UQCC2: variants seen among roughly 807,000 people sequenced by gnomAD.
The protein encoded by UQCC2 is ubiquinol-cytochrome c reductase complex assembly factor 2.
Under a neutral mutation model 19.9 loss-of-function variants are expected in UQCC2, and 21 were observed. That is an observed-to-expected ratio of 1.05 (90% CI 0.75 to 1.52). UQCC2 has a LOEUF of 1.52. Ranked by LOEUF, UQCC2 falls within the 40% of genes most tolerant of loss-of-function variation. UQCC2 has a pLI of 0.00. For missense variants in UQCC2, 135 were observed against 157.5 expected (o/e 0.86, Z 0.76); for synonymous variants, 57 against 60.9 (o/e 0.94, Z 0.30).
chr6:33,698,613 G>A (rs950347764), intron 3 of UQCC2: 2 of 152,180 alleles, frequency 1.3e-5, no homozygotes, highest in Non-Finnish European at 2.9e-5. Context: ...ACCAAAGCAG[G>A]GTTTCTTGGC....
intron 1 of UQCC2, among the ~76,000 whole-genome samples, chr6:33,710,935 G>A (rs1365849886): frequency 3.9e-5 from 6 of 152,186 alleles, no homozygotes; most frequent in African/African-American, 1.4e-4. Flanking sequence ...AGGCTTACAG[G>A]GGCTCAGGAA....
chr6:33,707,475 A>G (rs1027463122), intron 1 of UQCC2, among the ~76,000 whole-genome samples: 1 of 152,246 alleles, frequency 6.6e-6, no homozygotes, highest in Non-Finnish European at 1.5e-5. Context: ...AAACCTTTGA[A>G]TTCTCCTCTG....
intron 2 of UQCC2, among the ~76,000 whole-genome samples, chr6:33,701,095 C>T (rs1419108414): frequency 6.6e-6 from 1 of 152,176 alleles, no homozygotes; most frequent in Non-Finnish European, 1.5e-5. Flanking sequence ...CACACACTGG[C>T]ATATCAAATA....
Position 33,697,720 on chromosome 6 carries a change from TTATC to T in UQCC2, c.310_313del (p.Asp104LysfsTer51), listed in dbSNP as rs765772377. On this transcript the variant is annotated frameshift_variant, in exon 4 of 4. Coordinates refer to ENST00000607484, the MANE Select transcript of UQCC2 (RefSeq NM_032340.4). LOFTEE classifies it high-confidence loss of function. ...CTCCTGCAGTTTCTTCCACATGCCT[TTATC>T]TATTTCCTTAAGCTCTTCCAAGGTG... is the stretch of plus-strand genomic sequence containing the variant. 1.9e-6 allele frequency: 3 copies of T among 1,614,136 alleles called. No individual in the cohort carries two copies. The highest frequency in any genetic ancestry group is 2.2e-5 in the South Asian group (2 of 91,078).
At position 33,711,609 on chromosome 6, in the gene UQCC2, G is replaced by C; in HGVS notation, c.78C>G (p.Asp26Glu). 6.2e-7 allele frequency: 1 copy of C among 1,613,998 alleles called. No homozygotes were observed. The highest frequency in any genetic ancestry group is 8.5e-7 in the Non-Finnish European group (1 of 1,179,920). ...WPVDETKRGRDLGAYLRQRVA... is the reference protein window; with the variant it reads ...WPVDETKRGRELGAYLRQRVA... Reference sequence around the variant, plus strand: ...CCCGCTGTCGCAGGTAAGCGCCCAAGTCCCGGCCCCGTTTGGTCTCGTCCA... The same window carrying C: ...CCCGCTGTCGCAGGTAAGCGCCCAACTCCCGGCCCCGTTTGGTCTCGTCCA... The change falls in exon 1 of 4, where the codon GAC becomes GAG. Residue 26 changes from aspartate (D) to glutamate (E), a missense_variant. By Grantham distance (45) the Asp-to-Glu change is conservative. Coordinates refer to ENST00000607484, the MANE Select transcript of UQCC2 (RefSeq NM_032340.4).
chr6:33,703,776 TCTTA>T (rs1765667012), intron 1 of UQCC2, among the ~76,000 whole-genome samples: 1 of 152,184 alleles, frequency 6.6e-6, no homozygotes, highest in African/African-American at 2.4e-5. Flanking sequence ...AAGAACATTC[TCTTA>T]TATAACCACA....
chr6:33,711,597 G>A lies in UQCC2; in HGVS notation c.90C>T (p.Tyr30=), dbSNP rs769806237. ...ETKRGRDLGA[Y]LRQRVAQAFR... is the part of the protein sequence containing the mutation. ...AGGCCTGTGCTACCCGCTGTCGCAG[G>A]TAAGCGCCCAAGTCCCGGCCCCGTT... The change falls in exon 1 of 4, where the codon TAC becomes TAT. Residue 30 remains tyrosine (Y), a synonymous_variant. Coordinates refer to ENST00000607484, the MANE Select transcript of UQCC2 (RefSeq NM_032340.4). 7.4e-6 allele frequency: 12 copies of A among 1,613,884 alleles called. No individual in the cohort carries two copies. The highest frequency in any genetic ancestry group is 1.3e-5 in the African/African-American group (1 of 75,060).
intron 1 of UQCC2, among the ~76,000 whole-genome samples, chr6:33,706,142 CT>C (rs1393636990): frequency 6.6e-6 from 1 of 152,174 alleles, no homozygotes; most frequent in East Asian, 1.9e-4. Context: ...ACAGCGGCCC[CT>C]ATTCTAGTCA....
In UQCC2 at chr6:33,697,511, T is replaced by C. The variant is rs186025450; in HGVS notation, c.*142A>G. ...TCCCTTCTCAGGCTGAAACTTTCTT[T>C]AGAGCAGCAAGGGCTTCCTTTCTGG... On this transcript the variant is annotated 3_prime_UTR_variant, in exon 4 of 4. Transcript: ENST00000607484. 1.0e-4 allele frequency: 65 copies of C among 627,248 alleles called. No individual in the cohort carries two copies. In the African/African-American group the frequency reaches 1.1e-3, roughly 11 times the overall value. The allele number at this position is 627,248 out of a possible 1,614,324, so 38.9% of individuals were successfully genotyped here.
chr6:33,702,594 A>G (rs1285147476), intron 1 of UQCC2, among the ~76,000 whole-genome samples: 1 of 152,224 alleles, frequency 6.6e-6, no homozygotes, highest in African/African-American at 2.4e-5. Context: ...CTTCTCAGGG[A>G]GACAGGCAGC....
chr6:33,706,977 C>A (rs894072846), intron 1 of UQCC2, among the ~76,000 whole-genome samples: 6 of 152,212 alleles, frequency 3.9e-5, no homozygotes, highest in Non-Finnish European at 7.3e-5. Context: ...ATCAGAGGCA[C>A]TGCAGGTCTC....
At chr6:33,709,163 C>T (rs900032778) in intron 1 of UQCC2, among the ~76,000 whole-genome samples, 5 of 152,226 alleles carry the variant, frequency 3.3e-5, no homozygotes, top group African/African-American at 7.2e-5. Context: ...AGGATGGAGC[C>T]GCTGACTGCT....
intron 1 of UQCC2, among the ~76,000 whole-genome samples, chr6:33,710,583 G>A (rs1234469352): frequency 6.6e-6 from 1 of 152,122 alleles, no homozygotes; most frequent in Non-Finnish European, 1.5e-5. Context: ...CTTGCCTTAG[G>A]TCTCACCTAT....
rs540212000 is a variant in UQCC2, at chr6:33,709,799, A to G, written c.138+1750T>C. Reference sequence around the variant, plus strand: ...AAAAACCCATGTTCCTTCTGTAACAAGTCTTGGCCAAGTTTCACAAGTCAT... The same window carrying G: ...AAAAACCCATGTTCCTTCTGTAACAGGTCTTGGCCAAGTTTCACAAGTCAT... On this transcript the variant is annotated intron_variant, in intron 1 of 3. Transcript: ENST00000607484. Among the ~76,000 whole-genome samples, 4 of 152,194 alleles carry G rather than the reference A, an allele frequency of 2.6e-5. No individual in the cohort carries two copies. In the East Asian group the frequency reaches 7.7e-4, roughly 29 times the overall value.
rs1288068089 is a variant in UQCC2, at chr6:33,697,707, C to A, written c.327G>T (p.Lys109Asn). The stretch of plus-strand genomic sequence containing the variant: ...TGGGGGCAAACTTCTCCTGCAGTTT[C>A]TTCCACATGCCTTTATCTATTTCCT... The part of the protein sequence containing the change: ...ELKEIDKGMW[K>N]KLQEKFAPKG... Residue 109 changes from lysine to asparagine, a missense_variant, in exon 4 of 4, where the codon AAG (lysine) becomes AAT (asparagine). Lys to Asn is a moderately conservative substitution (Grantham distance 94, BLOSUM62 0). Transcript: ENST00000607484. The A allele has an allele frequency of 6.2e-7, 1 of 1,614,080 alleles. No homozygotes were observed. Among genetic ancestry groups the A allele is most frequent in the Non-Finnish European group, 8.5e-7 (1 of 1,180,048 alleles).
At chr6:33,698,354 C>A (rs1208999127) in intron 3 of UQCC2, 1 of 152,566 alleles carries the variant, frequency 6.6e-6, no homozygotes, top group Non-Finnish European at 1.5e-5. Flanking sequence ...ATTACTTAAC[C>A]CTCTACGCTT....
intron 1 of UQCC2, among the ~76,000 whole-genome samples, chr6:33,702,629 T>C (rs7759668): frequency 0.42 from 63,458 of 152,138 alleles, 15,692 homozygotes; most frequent in East Asian, 0.86. Context: ...TGGTCTTTTC[T>C]CTTGCACCTC....
chr6:33,702,938 A>T (rs956322029), intron 1 of UQCC2, among the ~76,000 whole-genome samples: 1 of 152,174 alleles, frequency 6.6e-6, no homozygotes, highest in Non-Finnish European at 1.5e-5. Context: ...GTTCTACCTG[A>T]CCCATTCCTG....
At chr6:33,708,010 G>T (rs1430457962) in intron 1 of UQCC2, among the ~76,000 whole-genome samples, 1 of 152,236 alleles carries the variant, frequency 6.6e-6, no homozygotes, top group Non-Finnish European at 1.5e-5. Context: ...TGGAATAAAT[G>T]GAGGCAGTGG....
Sources: allele counts gnomAD v4.1 joint callset (sites outside exome capture counted in the v4.1 genomes callset), GRCh38; gene constraint gnomAD v4.1.1; transcripts MANE v1.5; gene names NCBI Gene and HGNC (gene_info 2026-07-23, HGNC 2026-07-21).